PPP1R12B: variants seen among roughly 807,000 people sequenced by gnomAD.
PPP1R12B encodes myosin phosphatase target subunit 2.
PPP1R12B carries 76 observed loss-of-function variants against 126.1 expected under a neutral mutation model. That is an observed-to-expected ratio of 0.60 (90% CI 0.50 to 0.73). The LOEUF (loss-of-function observed/expected upper bound fraction) is 0.73. Ranked by LOEUF, PPP1R12B falls within the 30% of genes least tolerant of loss-of-function variation. The pLI is 0.00. For synonymous variants in PPP1R12B, 356 were observed against 434.7 expected, an observed-to-expected ratio of 0.82 and a Z score of 2.25; for missense variants, 1,052 against 1,205.1, an observed-to-expected ratio of 0.87 and a Z score of 1.88.
intron 23 of PPP1R12B, among the ~76,000 whole-genome samples, chr1:202,574,538 A>G (rs1688913354): frequency 6.6e-6 from 1 of 152,146 alleles, no homozygotes; most frequent in South Asian, 2.1e-4. Context: ...GGAGCTGAGT[A>G]TGAGGGGAAG....
intron 18 of PPP1R12B, among the ~76,000 whole-genome samples, chr1:202,537,071 G>A (rs1341179747): frequency 2.6e-5 from 4 of 152,130 alleles, no homozygotes; most frequent in African/African-American, 4.8e-5. Context: ...AGGTTAGGCC[G>A]GGCATAGTGG....
chr1:202,486,706 G>C (rs1572237375), intron 13 of PPP1R12B, among the ~76,000 whole-genome samples: 1 of 152,168 alleles, frequency 6.6e-6, no homozygotes, highest in East Asian at 1.9e-4. Flanking sequence ...ACTTGCAAAG[G>C]CTGAGGCGGG....
intron 14 of PPP1R12B, among the ~76,000 whole-genome samples, chr1:202,489,792 TA>T (rs1173604194): frequency 1.3e-5 from 2 of 152,180 alleles, no homozygotes; most frequent in Admixed American, 6.5e-5. Context: ...GTGAATAAAC[TA>T]AAAACCAAGG....
At chr1:202,579,817 C>G (rs967678) in intron 23 of PPP1R12B, among the ~76,000 whole-genome samples, 1 of 152,106 alleles carries the variant, frequency 6.6e-6, no homozygotes, top group African/African-American at 2.4e-5. Flanking sequence ...AAATACATGC[C>G]TAGTGTTCAC....
chr1:202,495,765 G>C (rs760610579), intron 17 of PPP1R12B, 83 bp downstream of exon 17: 1 of 1,214,334 alleles, frequency 8.2e-7, no homozygotes, highest in African/African-American at 1.5e-5. Context: ...AAAGAGTCCC[G>C]CATGGTGCCA....
Position 202,551,461 on chromosome 1 carries a change from C to T in PPP1R12B, c.2491-7416C>T, listed in dbSNP as rs78505388. On this transcript the variant is annotated intron_variant, in intron 18 of 23. Coordinates refer to ENST00000608999, the MANE Select transcript of PPP1R12B (RefSeq NM_002481.4). ...CCCTGATTCTGAATGTATGTAATCA[C>T]CTAGTGCAGCTGAGAGGCCATGTGC... Among the ~76,000 whole-genome samples, 3,158 of 152,162 alleles carry T rather than the reference C, an allele frequency of 0.021. 247 individuals are homozygous for T. In the East Asian group the frequency reaches 0.25, roughly 12 times the overall value.
intron 1 of PPP1R12B, among the ~76,000 whole-genome samples, chr1:202,406,924 A>G (rs1020894821): frequency 2.0e-5 from 3 of 152,186 alleles, no homozygotes; most frequent in African/African-American, 7.2e-5. Context: ...TATCACAATT[A>G]GTAGGCCACA....
intron 23 of PPP1R12B, chr1:202,576,068 C>T (rs188102264): frequency 1.3e-5 from 2 of 152,356 alleles, no homozygotes; most frequent in Non-Finnish European, 2.9e-5. Context: ...GGATGTGCCC[C>T]TCCCTGTCCT....
Position 202,348,706 on chromosome 1 carries a change from C to T in PPP1R12B, c.-146C>T. 9.5e-7 allele frequency: 1 copy of T among 1,048,304 alleles called. No homozygotes were observed. Among genetic ancestry groups the T allele is most frequent in the South Asian group, 1.7e-5 (1 of 58,932 alleles). The allele number at this position is 1,048,304 out of a possible 1,614,324, so 64.9% of individuals were successfully genotyped here. On this transcript the variant is annotated 5_prime_UTR_variant, in exon 1 of 24. Coordinates refer to ENST00000608999, the MANE Select transcript of PPP1R12B (RefSeq NM_002481.4). The stretch of plus-strand genomic sequence containing the variant: ...CCGAGGGAGCGTGCGGGCGGTACTA[C>T]TGGCGGGAGGAGTAAAGATGGCGGC...
At chr1:202,467,349 T>G (rs1675161044) in intron 13 of PPP1R12B, among the ~76,000 whole-genome samples, 1 of 152,016 alleles carries the variant, frequency 6.6e-6, no homozygotes, top group Non-Finnish European at 1.5e-5. Flanking sequence ...GCATTAGGTA[T>G]ATCTCCTAAT....
At chr1:202,418,063 A>G (rs1457497863) in intron 2 of PPP1R12B, among the ~76,000 whole-genome samples, 6 of 152,210 alleles carry the variant, frequency 3.9e-5, no homozygotes, top group African/African-American at 9.6e-5. Context: ...GAAATAAACA[A>G]TGCAGTTTTC....
Position 202,472,152 on chromosome 1 carries a change from CAA to C in PPP1R12B, c.1851-16378_1851-16377del, listed in dbSNP as rs1465621403. On this transcript the variant is annotated intron_variant, in intron 13 of 23. Coordinates refer to ENST00000608999, the MANE Select transcript of PPP1R12B (RefSeq NM_002481.4). ...TGCGTAGGTCATCACCGCCGGAAAACAAAAGTTTTTTATATATTCCAGATATG... is the reference window on the plus strand; with the variant it reads ...TGCGTAGGTCATCACCGCCGGAAAACAAGTTTTTTATATATTCCAGATATG... 14 of 1,113,914 alleles carry C rather than the reference CAA, an allele frequency of 1.3e-5. No individual in the cohort carries two copies. In the African/African-American group the frequency reaches 1.7e-4, roughly 14 times the overall value. 69.0% of individuals were successfully genotyped at this position (1,113,914 alleles called of 1,614,324 possible). A position where few individuals can be genotyped will look rare whatever the true frequency, so the allele number is the denominator to read the frequency against.
intron 13 of PPP1R12B, among the ~76,000 whole-genome samples, chr1:202,452,728 G>GT (rs1171185910): frequency 1.3e-5 from 2 of 151,918 alleles, no homozygotes; most frequent in African/African-American, 2.4e-5. Context: ...AGTTCTAATA[G>GT]TTTTTTTGGT....
intron 18 of PPP1R12B, among the ~76,000 whole-genome samples, chr1:202,548,533 C>G (rs1310798677): frequency 1.3e-5 from 2 of 151,956 alleles, no homozygotes; most frequent in South Asian, 2.1e-4. Context: ...ACTTGTTGAC[C>G]AAGCTGGTCT....
intron 13 of PPP1R12B, among the ~76,000 whole-genome samples, chr1:202,479,209 A>G (rs184249091): frequency 2.0e-5 from 3 of 152,310 alleles, no homozygotes; most frequent in African/African-American, 7.2e-5. Flanking sequence ...CCAATTTACT[A>G]ATTTACCTTG....
At chr1:202,561,385 CTT>C (rs201561914) in intron 19 of PPP1R12B, among the ~76,000 whole-genome samples, 58 of 138,334 alleles carry the variant, frequency 4.2e-4, no homozygotes, top group Admixed American at 5.7e-4. Flanking sequence ...AGACTGCAGT[CTT>C]TTTTTTTTTT....
intron 18 of PPP1R12B, among the ~76,000 whole-genome samples, chr1:202,552,931 A>G (rs1016422894): frequency 6.6e-6 from 1 of 152,188 alleles, no homozygotes; most frequent in African/African-American, 2.4e-5. Context: ...CTTTCAAGTT[A>G]AAAGTTTTTG....
chr1:202,481,042 T>G (rs1357158745), intron 13 of PPP1R12B, among the ~76,000 whole-genome samples: 1 of 152,206 alleles, frequency 6.6e-6, no homozygotes, highest in East Asian at 1.9e-4. Flanking sequence ...AGGCATTAGT[T>G]AGATTCTCAT....
chr1:202,363,744 CT>C (rs1658634389), intron 1 of PPP1R12B, among the ~76,000 whole-genome samples: 1 of 152,134 alleles, frequency 6.6e-6, no homozygotes, highest in African/African-American at 2.4e-5. Flanking sequence ...TTTGACCCAC[CT>C]GTGCCATTTT....
Sources: allele counts gnomAD v4.1 joint callset (sites outside exome capture counted in the v4.1 genomes callset), GRCh38; gene constraint gnomAD v4.1.1; transcripts MANE v1.5; gene names NCBI Gene and HGNC (gene_info 2026-07-23, HGNC 2026-07-21).